LINGO2: variants seen among roughly 807,000 people sequenced by gnomAD.
LINGO2 encodes the protein leucine rich repeat and Ig domain containing 2.
A neutral mutation model predicts 30.6 loss-of-function variants in LINGO2; 14 were observed. That is an observed-to-expected ratio of 0.46 (90% CI 0.30 to 0.72). The LOEUF (loss-of-function observed/expected upper bound fraction) is 0.72, where lower values mean the gene tolerates loss of function less well. LINGO2 is among the 30% of genes least tolerant of loss of function. LINGO2 has a pLI of 0.07. For missense variants in LINGO2, 729 were observed against 751.7 expected, an observed-to-expected ratio of 0.97 and a Z score of 0.35; for synonymous variants, 317 against 288.5, an observed-to-expected ratio of 1.10 and a Z score of -1.00.
chr9:28,720,766 G>T, the LINGO2 span, among the ~76,000 whole-genome samples: 2 of 151,970 alleles, frequency 1.3e-5, no homozygotes, highest in African/African-American at 4.8e-5. Context: ...AATATGTGTG[G>T]TCCCTTCAAT....
At chr9:29,056,545 C>G in the LINGO2 span, among the ~76,000 whole-genome samples, 1 of 152,146 alleles carries the variant, frequency 6.6e-6, no homozygotes, top group African/African-American at 2.4e-5. Flanking sequence ...TGTGGGTTGT[C>G]TGTTTATCCT....
intron 4 of LINGO2, among the ~76,000 whole-genome samples, chr9:28,277,837 C>CAAAAA (rs765748438): frequency 8.3e-5 from 9 of 107,984 alleles, no homozygotes; most frequent in South Asian, 3.3e-4. Flanking sequence ...CAAAACAAAA[C>CAAAAA]AAAAAAAAAA....
chr9:28,603,033 A>G (rs1030395987), intron 1 of LINGO2, among the ~76,000 whole-genome samples: 1 of 152,102 alleles, frequency 6.6e-6, no homozygotes, highest in African/African-American at 2.4e-5. Context: ...CCAATAGAAA[A>G]CAAATCCTTT....
chr9:28,055,559 CTTCG>C (rs1160704772), intron 4 of LINGO2, among the ~76,000 whole-genome samples: 1 of 152,128 alleles, frequency 6.6e-6, no homozygotes, highest in Non-Finnish European at 1.5e-5. Context: ...AATTGGAATT[CTTCG>C]TTCGAAGTGT....
At chr9:28,058,250 G>A (rs73443920) in intron 4 of LINGO2, among the ~76,000 whole-genome samples, 159 of 152,208 alleles carry the variant, frequency 1.0e-3, no homozygotes, top group African/African-American at 3.8e-3. Context: ...ACCAGTGGTG[G>A]AGTACAATAC....
At chr9:28,997,502 A>G in the LINGO2 span, among the ~76,000 whole-genome samples, 1 of 152,152 alleles carries the variant, frequency 6.6e-6, no homozygotes, top group African/African-American at 2.4e-5. Context: ...TGGGTGCCCC[A>G]GTAATACATA....
intron 4 of LINGO2, among the ~76,000 whole-genome samples, chr9:28,107,567 T>C (rs1563979162): frequency 6.6e-6 from 1 of 152,154 alleles, no homozygotes; most frequent in East Asian, 1.9e-4. Flanking sequence ...TTTGTTTCAG[T>C]AATTACTGCT....
In LINGO2 at chr9:28,562,457, C is replaced by CAAAAAAAA. The variant is rs56998877; in HGVS notation, c.-364-86440_-364-86433dup. On this transcript the variant is annotated intron_variant, in intron 1 of 5. Transcript: ENST00000379992. ...GAAATAAGCAATGTGCATTTACTTT[C>CAAAAAAAA]AAAAAAAAAAAAAAAAAACAGAAAA... Among the ~76,000 whole-genome samples the CAAAAAAAA allele has an allele frequency of 1.5e-4, 16 of 109,172 alleles. 2 individuals are homozygous for CAAAAAAAA. Among genetic ancestry groups the CAAAAAAAA allele is most frequent in the African/African-American group, 3.7e-4 (10 of 27,022 alleles). 71.6% of individuals were successfully genotyped at this position (109,172 alleles called of 152,430 possible).
intron 2 of LINGO2, among the ~76,000 whole-genome samples, chr9:28,417,013 A>G (rs1440870996): frequency 6.6e-6 from 1 of 152,192 alleles, no homozygotes; most frequent in Non-Finnish European, 1.5e-5. Context: ...AATATCAAGT[A>G]CATAAGTATG....
chr9:28,462,788 C>A (rs767500782), intron 2 of LINGO2, among the ~76,000 whole-genome samples: 1 of 151,958 alleles, frequency 6.6e-6, no homozygotes, highest in African/African-American at 2.4e-5. Context: ...AATGTGGATT[C>A]ATAGAGTAAC....
chr9:28,967,998 T>C, the LINGO2 span, among the ~76,000 whole-genome samples: 5,377 of 152,288 alleles, frequency 0.035, 120 homozygotes, highest in South Asian at 0.092. Context: ...AATGAAGTCT[T>C]GCACACCAAA....
the LINGO2 span, among the ~76,000 whole-genome samples, chr9:28,990,723 C>G: frequency 3.3e-5 from 5 of 150,048 alleles, no homozygotes; most frequent in Non-Finnish European, 7.4e-5. Flanking sequence ...CTGCAGCCAC[C>G]ACTGCTGATA....
chr9:28,714,879 G>C, the LINGO2 span, among the ~76,000 whole-genome samples: 1 of 152,096 alleles, frequency 6.6e-6, no homozygotes, highest in African/African-American at 2.4e-5. Flanking sequence ...TTTCTACCAT[G>C]AAAGTTCTGT....
At chr9:29,102,143 G>C in the LINGO2 span, among the ~76,000 whole-genome samples, 3 of 151,288 alleles carry the variant, frequency 2.0e-5, no homozygotes, top group African/African-American at 7.3e-5. Context: ...GAGCAGTGGC[G>C]CAATTTTGGC....
the LINGO2 span, among the ~76,000 whole-genome samples, chr9:29,114,654 T>C: frequency 6.7e-6 from 1 of 149,178 alleles, no homozygotes; most frequent in East Asian, 2.0e-4. Context: ...CATGCAGTGA[T>C]TGGTTTTTTT....
At chr9:28,404,355 C>T (rs115071809) in intron 2 of LINGO2, among the ~76,000 whole-genome samples, 1 of 150,942 alleles carries the variant, frequency 6.6e-6, no homozygotes, top group Admixed American at 6.6e-5. Flanking sequence ...GAAAAAAAAT[C>T]AGCTTACTTT....
At chr9:28,849,982 C>T in the LINGO2 span, among the ~76,000 whole-genome samples, 4 of 152,010 alleles carry the variant, frequency 2.6e-5, no homozygotes, top group Admixed American at 2.6e-4. Context: ...CTAGCACATT[C>T]TTCTAAGCCC....
At chr9:28,497,705 G>A (rs181820876) in intron 1 of LINGO2, among the ~76,000 whole-genome samples, 30 of 152,288 alleles carry the variant, frequency 2.0e-4, no homozygotes, top group African/African-American at 7.0e-4. Context: ...CTGGTGAGGA[G>A]TTGCATTCCT....
At chr9:28,618,520 C>T (rs1271669823) in intron 1 of LINGO2, among the ~76,000 whole-genome samples, 1 of 152,076 alleles carries the variant, frequency 6.6e-6, no homozygotes, top group Non-Finnish European at 1.5e-5. Flanking sequence ...CATTTACTCC[C>T]CTGCTTATAA....
Sources: gnomAD v4.1 joint callset for allele counts (sites outside exome capture counted in the v4.1 genomes callset) on GRCh38, gnomAD v4.1.1 for gene constraint, MANE v1.5 for transcripts, NCBI Gene and HGNC (gene_info 2026-07-23, HGNC 2026-07-21) for gene names.